EFCAB5: variants seen among roughly 807,000 people sequenced by gnomAD.
EFCAB5 encodes the protein EF-hand calcium-binding domain-containing protein 5.
EFCAB5 carries 131 observed loss-of-function variants against 167.9 expected under a neutral mutation model. That is an observed-to-expected ratio of 0.78 (90% CI 0.68 to 0.90). EFCAB5 has a LOEUF of 0.90. Among genes scored for constraint, EFCAB5 ranks in the 40% least tolerant of loss-of-function variants. EFCAB5 has a pLI of 0.00. For missense variants in EFCAB5, 1,663 were observed against 1,745.2 expected, an observed-to-expected ratio of 0.95 and a Z score of 0.84; for synonymous variants, 574 against 602.8, an observed-to-expected ratio of 0.95 and a Z score of 0.70.
At chr17:29,954,240 A>G (rs1202108528) in intron 3 of EFCAB5, among the ~76,000 whole-genome samples, 2 of 152,296 alleles carry the variant, frequency 1.3e-5, no homozygotes, top group African/African-American at 2.4e-5. Context: ...TCACCAAGAC[A>G]TGTGTAGAAA....
At chr17:30,023,382 A>G (rs948109386) in intron 7 of EFCAB5, among the ~76,000 whole-genome samples, 1 of 152,158 alleles carries the variant, frequency 6.6e-6, no homozygotes, top group Admixed American at 6.5e-5. Flanking sequence ...ACAAACTACC[A>G]TCAGAGAATA....
At chr17:30,002,678 T>C (rs1037320479) in intron 7 of EFCAB5, among the ~76,000 whole-genome samples, 3 of 152,216 alleles carry the variant, frequency 2.0e-5, no homozygotes, top group African/African-American at 7.2e-5. Flanking sequence ...TCCTTCCCGA[T>C]GTTTCAAGAT....
intron 3 of EFCAB5, among the ~76,000 whole-genome samples, chr17:29,957,981 C>T (rs983922697): frequency 6.6e-6 from 1 of 152,202 alleles, no homozygotes; most frequent in Non-Finnish European, 1.5e-5. Context: ...TATTTCTCCA[C>T]AGCCTTGCCA....
intron 14 of EFCAB5, chr17:30,069,435 T>G: frequency 6.5e-7 from 1 of 1,546,030 alleles, no homozygotes; most frequent in South Asian, 1.1e-5. Context: ...CAAGAGATAT[T>G]CACGGAAAAG....
chr17:30,088,636 C>A (rs968433712), intron 19 of EFCAB5, among the ~76,000 whole-genome samples: 5 of 152,162 alleles, frequency 3.3e-5, no homozygotes, highest in African/African-American at 1.2e-4. Flanking sequence ...TTGTCAAATG[C>A]AAGGAATACT....
chr17:30,092,683 C>G (rs1282423476), intron 21 of EFCAB5, among the ~76,000 whole-genome samples, 157 bp from the exon 22 acceptor site: 1 of 152,170 alleles, frequency 6.6e-6, no homozygotes, highest in African/African-American at 2.4e-5. Context: ...GCCACCACAC[C>G]CGGCCATGGG....
intron 14 of EFCAB5, among the ~76,000 whole-genome samples, chr17:30,071,016 C>T (rs2070723402): frequency 6.7e-6 from 1 of 148,732 alleles, no homozygotes; most frequent in Non-Finnish European, 1.5e-5. Flanking sequence ...AATGTAAGAC[C>T]CCTAGACTAT....
chr17:29,940,451 C>T (rs779653138), upstream of EFCAB5, among the ~76,000 whole-genome samples: 78 of 152,088 alleles, frequency 5.1e-4, no homozygotes, highest in Non-Finnish European at 1.0e-3. Flanking sequence ...TAGAAAGCAC[C>T]TAATAAAGTC....
rs369144066 is a variant in EFCAB5, at chr17:30,082,876, T to C, written c.3427-15T>C. On this transcript the variant is annotated splice_polypyrimidine_tract_variant and intron_variant, in intron 17 of 22. Transcript: ENST00000394835. ...TTTAAAAAGAATAGGCTATTTGAAT[T>C]TTCTGTCTCTACAGGGTGTTGCTAA... 4 of 1,594,664 alleles carry C rather than the reference T, an allele frequency of 2.5e-6. No individual in the cohort carries two copies. The African/African-American group carries it at 5.4e-5, about 22-fold the overall frequency.
chr17:30,025,746 A>G (rs1182329798), intron 7 of EFCAB5, among the ~76,000 whole-genome samples: 1 of 152,218 alleles, frequency 6.6e-6, no homozygotes, highest in Non-Finnish European at 1.5e-5. Flanking sequence ...ACTATTCACA[A>G]TACCAAAGAC....
intron 22 of EFCAB5, 117 bp from the exon 23 acceptor site, chr17:30,107,717 C>A: frequency 1.1e-6 from 1 of 879,330 alleles, no homozygotes; most frequent in Non-Finnish European, 1.6e-6. Context: ...CAAGATTCTG[C>A]TTGGTTTTGA....
At chr17:29,969,506 T>A in intron 4 of EFCAB5, 139 bp downstream of exon 4, 2 of 751,176 alleles carry the variant, frequency 2.7e-6, no homozygotes, top group Non-Finnish European at 4.1e-6. Flanking sequence ...GCTACTAGTA[T>A]GTGCTTCACT....
At chr17:30,003,954 A>T (rs2068721380) in intron 7 of EFCAB5, among the ~76,000 whole-genome samples, 1 of 152,224 alleles carries the variant, frequency 6.6e-6, no homozygotes, top group Non-Finnish European at 1.5e-5. Context: ...TTGTCTCACA[A>T]CTAGGGAAAT....
intron 12 of EFCAB5, among the ~76,000 whole-genome samples, chr17:30,056,796 C>T (rs1053085613): frequency 6.6e-6 from 1 of 152,226 alleles, no homozygotes; most frequent in East Asian, 1.9e-4. Context: ...AAATAACAAA[C>T]TTTCTATCCT....
chr17:30,033,506 T>C (rs1026790852), intron 7 of EFCAB5, among the ~76,000 whole-genome samples: 2 of 152,198 alleles, frequency 1.3e-5, no homozygotes, highest in Admixed American at 6.5e-5. Context: ...CCTATCAAAT[T>C]GGCAAAAACC....
intron 3 of EFCAB5, among the ~76,000 whole-genome samples, chr17:29,951,094 T>C (rs2067499034): frequency 6.6e-6 from 1 of 152,100 alleles, no homozygotes; most frequent in South Asian, 2.1e-4. Flanking sequence ...AAGGGAAGCA[T>C]TATACTACCC....
chr17:30,027,144 G>A (rs1157382904), intron 7 of EFCAB5, among the ~76,000 whole-genome samples: 1 of 150,720 alleles, frequency 6.6e-6, no homozygotes, highest in Non-Finnish European at 1.5e-5. Context: ...TTGCCACCAG[G>A]CCTGGCTAAT....
intron 7 of EFCAB5, among the ~76,000 whole-genome samples, chr17:30,018,282 G>A (rs914296532): frequency 8.0e-5 from 12 of 150,830 alleles, no homozygotes; most frequent in African/African-American, 2.9e-4. Flanking sequence ...TTAAAACACT[G>A]GAAAAAAAGA....
chr17:30,011,327 T>A (rs2068894428), intron 7 of EFCAB5, among the ~76,000 whole-genome samples: 1 of 152,200 alleles, frequency 6.6e-6, no homozygotes, highest in Non-Finnish European at 1.5e-5. Context: ...AGTAGTTTTT[T>A]CCAATTCTGT....
Sources: gnomAD v4.1 joint callset for allele counts (sites outside exome capture counted in the v4.1 genomes callset) on GRCh38, gnomAD v4.1.1 for gene constraint, MANE v1.5 for transcripts, NCBI Gene and HGNC (gene_info 2026-07-23, HGNC 2026-07-21) for gene names.